Variants in CCBE1 observed in about 807,000 individuals in gnomAD.
CCBE1 encodes collagen and calcium binding EGF domains 1, also known as collagen and calcium-binding EGF domain-containing protein 1.
In CCBE1, 37 loss-of-function variants were observed where a neutral mutation model predicts 50.0. The ratio of observed to expected loss-of-function variants is 0.74; its 90% confidence interval spans 0.57 to 0.97. The LOEUF (loss-of-function observed/expected upper bound fraction) is 0.97, where lower values mean the gene tolerates loss of function less well. CCBE1 is among the 50% of genes least tolerant of loss of function. The probability of loss-of-function intolerance (pLI) is 0.00; values close to 1 mark genes in which losing one functional copy is unlikely to be tolerated. For synonymous variants in CCBE1, 234 were observed against 203.7 expected, an observed-to-expected ratio of 1.15 and a Z score of -1.27; for missense variants, 538 against 523.8, an observed-to-expected ratio of 1.03 and a Z score of -0.26.
At chr18:59,446,752 G>A (rs548949793) in intron 7 of CCBE1, among the ~76,000 whole-genome samples, 4 of 152,282 alleles carry the variant, frequency 2.6e-5, no homozygotes, top group South Asian at 2.1e-4. Context: ...TACAGTGCTC[G>A]CTCCCTTCAA....
At chr18:59,594,671 G>A (rs1486315443) in intron 2 of CCBE1, among the ~76,000 whole-genome samples, 1 of 152,238 alleles carries the variant, frequency 6.6e-6, no homozygotes, top group Non-Finnish European at 1.5e-5. Flanking sequence ...ATCTTCAACT[G>A]GCTAGCCTAG....
chr18:59,637,266 T>G (rs2053927160), intron 2 of CCBE1, among the ~76,000 whole-genome samples: 2 of 152,240 alleles, frequency 1.3e-5, no homozygotes, highest in South Asian at 4.1e-4. Context: ...GCTATATCTT[T>G]CACTATTAGT....
At chr18:59,455,339 C>T in intron 5 of CCBE1, 2 of 347,230 alleles carry the variant, frequency 5.8e-6, no homozygotes, top group Non-Finnish European at 1.1e-5. Context: ...GTAAATATTC[C>T]CCAAGTGCAG....
At chr18:59,573,060 G>A (rs968689878) in intron 2 of CCBE1, among the ~76,000 whole-genome samples, 1 of 151,706 alleles carries the variant, frequency 6.6e-6, no homozygotes, top group East Asian at 1.9e-4. Flanking sequence ...AAGGAGGGTG[G>A]ATCACTTGAG....
At position 59,436,062 on chromosome 18, in the gene CCBE1, A is replaced by T. The variant is rs1910141533; in HGVS notation, c.1067T>A (p.Val356Glu). 6.2e-7 allele frequency: 1 copy of T among 1,614,106 alleles called. No homozygotes were observed. Among genetic ancestry groups the T allele is most frequent in the African/African-American group, 1.3e-5 (1 of 75,024 alleles). ...TGAAGAGTGAGTCCGGTGCCCGAAC[A>T]CCTTTTCCTGCAGCTCAGTGATGTC... ...RNDITELQEKVFGHRTHSSAE... is the reference protein window; with the variant it reads ...RNDITELQEKEFGHRTHSSAE... Residue 356 changes from valine to glutamate, a missense_variant, in exon 11 of 11, where the codon GTG becomes GAG. By Grantham distance (121) the Val-to-Glu change is moderately radical. Coordinates refer to ENST00000439986, the MANE Select transcript of CCBE1 (RefSeq NM_133459.4).
At chr18:59,625,430 C>CAAAAAAAAGAAA (rs2053769462) in intron 2 of CCBE1, among the ~76,000 whole-genome samples, 1 of 69,920 alleles carries the variant, frequency 1.4e-5, no homozygotes, top group African/African-American at 6.1e-5. Context: ...GATTCTGTCT[C>CAAAAAAAAGAAA]AAAAAAAAAA....
At chr18:59,474,692 C>T (rs1294182419) in intron 3 of CCBE1, among the ~76,000 whole-genome samples, 2 of 152,198 alleles carry the variant, frequency 1.3e-5, no homozygotes, top group Non-Finnish European at 2.9e-5. Flanking sequence ...GTGGAAAAGG[C>T]AATATCCTGT....
chr18:59,641,397 G>C (rs1459640169), intron 2 of CCBE1, among the ~76,000 whole-genome samples: 2 of 152,038 alleles, frequency 1.3e-5, no homozygotes, highest in Admixed American at 6.6e-5. Context: ...ACATCACATC[G>C]TGTCCATATG....
chr18:59,631,704 C>T (rs2053850697), intron 2 of CCBE1, among the ~76,000 whole-genome samples: 1 of 152,172 alleles, frequency 6.6e-6, no homozygotes, highest in African/African-American at 2.4e-5. Context: ...TGAATTAAAC[C>T]AAATAACACC....
chr18:59,528,228 A>C (rs569389569), intron 2 of CCBE1, among the ~76,000 whole-genome samples: 1 of 152,350 alleles, frequency 6.6e-6, no homozygotes, highest in South Asian at 2.1e-4. Context: ...TCAACAAGAT[A>C]GTCTTCAAGC....
intron 2 of CCBE1, among the ~76,000 whole-genome samples, chr18:59,624,925 G>A (rs1338727659): frequency 6.6e-6 from 1 of 152,202 alleles, no homozygotes; most frequent in Non-Finnish European, 1.5e-5. Flanking sequence ...TTTATAAGTT[G>A]ATACACTCAC....
intron 2 of CCBE1, among the ~76,000 whole-genome samples, chr18:59,693,045 T>C (rs1036248189): frequency 6.6e-6 from 1 of 152,038 alleles, no homozygotes; most frequent in Admixed American, 6.6e-5. Flanking sequence ...TCTTGTTTTC[T>C]GTGGTGAAGG....
In CCBE1 at chr18:59,436,271, G is replaced by A. The variant is rs562887192; in HGVS notation, c.988-130C>T. On this transcript the variant is annotated intron_variant, in intron 10 of 10. Coordinates refer to ENST00000439986, the MANE Select transcript of CCBE1 (RefSeq NM_133459.4). ...TCTGTGCCCCAAATGGAGCCAATGT[G>A]AGGACTGCTACAGGAGCCTGGGGGT... The A allele has an allele frequency of 4.3e-5, 34 of 793,854 alleles. 1 individual carries two copies. The East Asian group carries it at 8.6e-4, about 20-fold the overall frequency. The allele number at this position is 793,854 out of a possible 1,614,324, so 49.2% of individuals were successfully genotyped here. A position where few individuals can be genotyped will look rare whatever the true frequency, so the allele number is the denominator to read the frequency against.
chr18:59,561,451 A>G (rs370318358), intron 2 of CCBE1, among the ~76,000 whole-genome samples: 2 of 152,358 alleles, frequency 1.3e-5, no homozygotes, highest in East Asian at 3.9e-4. Flanking sequence ...AGACCGAGGC[A>G]GACATCCGGC....
chr18:59,682,249 C>T (rs1351230212), intron 2 of CCBE1, among the ~76,000 whole-genome samples: 1 of 152,172 alleles, frequency 6.6e-6, no homozygotes, highest in Non-Finnish European at 1.5e-5. Flanking sequence ...GTAGTCCCAG[C>T]TACTGGGGAG....
At chr18:59,689,555 C>G (rs1483271814) in intron 2 of CCBE1, among the ~76,000 whole-genome samples, 1 of 152,174 alleles carries the variant, frequency 6.6e-6, no homozygotes, top group Non-Finnish European at 1.5e-5. Flanking sequence ...GTGTTTCAAG[C>G]TGGAAACTAA....
chr18:59,567,395 A>G (rs1334857405), intron 2 of CCBE1, among the ~76,000 whole-genome samples: 1 of 152,128 alleles, frequency 6.6e-6, no homozygotes, highest in Non-Finnish European at 1.5e-5. Context: ...TGGCCTCCCA[A>G]AGTGTTGGGA....
intron 2 of CCBE1, among the ~76,000 whole-genome samples, chr18:59,673,061 C>T (rs973051024): frequency 1.3e-5 from 2 of 152,066 alleles, no homozygotes; most frequent in African/African-American, 4.8e-5. Context: ...AACATGACTC[C>T]AACATGGCTC....
At chr18:59,522,524 A>C (rs949212) in intron 2 of CCBE1, among the ~76,000 whole-genome samples, 3 of 152,064 alleles carry the variant, frequency 2.0e-5, no homozygotes, top group Non-Finnish European at 4.4e-5. Context: ...GACTGGGATC[A>C]TAGTGGTGGT....
Sources: gnomAD v4.1 joint callset for allele counts (sites outside exome capture counted in the v4.1 genomes callset) on GRCh38, gnomAD v4.1.1 for gene constraint, MANE v1.5 for transcripts, NCBI Gene and HGNC (gene_info 2026-07-23, HGNC 2026-07-21) for gene names.